ABHD12: variants seen among roughly 807,000 people sequenced by gnomAD.
ABHD12 encodes the protein lysophosphatidylserine lipase ABHD12.
ABHD12 carries 43 observed loss-of-function variants against 58.3 expected under a neutral mutation model. The observed-to-expected ratio is 0.74, with a 90% CI of 0.58 to 0.95. The LOEUF is 0.95. Among genes scored for constraint, ABHD12 ranks in the 40% least tolerant of loss-of-function variants. The pLI is 0.00. For missense variants in ABHD12, 539 were observed against 537.2 expected (o/e 1.00, Z -0.03); for synonymous variants, 219 against 211.2 (o/e 1.04, Z -0.32).
At chr20:25,359,401 G>A (rs1600849940) in intron 1 of ABHD12, among the ~76,000 whole-genome samples, 2 of 126,230 alleles carry the variant, frequency 1.6e-5, no homozygotes, top group East Asian at 2.9e-4. Flanking sequence ...TCCCGCCTGG[G>A]CCACAGAGCG....
chr20:25,323,179 T>C (rs902083780), intron 3 of ABHD12, 146 bp downstream of exon 3: 8 of 704,798 alleles, frequency 1.1e-5, no homozygotes, highest in Non-Finnish European at 2.1e-5. Flanking sequence ...ATGGATCAAA[T>C]GTACTGAGAT....
At chr20:25,307,143 G>C (rs1412402724) in intron 9 of ABHD12, among the ~76,000 whole-genome samples, 1 of 152,198 alleles carries the variant, frequency 6.6e-6, no homozygotes, top group Non-Finnish European at 1.5e-5. Context: ...TCACCCGCCA[G>C]GCCCCACAGA....
chr20:25,298,553 C>T, downstream of ABHD12, among the ~76,000 whole-genome samples: 1 of 152,160 alleles, frequency 6.6e-6, no homozygotes, highest in South Asian at 2.1e-4. Flanking sequence ...CTGTTCCTGG[C>T]CAAGCTAGCT....
intron 2 of ABHD12, among the ~76,000 whole-genome samples, chr20:25,324,362 G>A (rs932886089): frequency 6.6e-6 from 1 of 152,198 alleles, no homozygotes; most frequent in African/African-American, 2.4e-5. Flanking sequence ...GAGAATGGGG[G>A]CAATTTTTTC....
chr20:25,307,845 G>A (rs2088773228), intron 9 of ABHD12, 121 bp downstream of exon 9: 5 of 426,532 alleles, frequency 1.2e-5, no homozygotes, highest in South Asian at 3.7e-5. Context: ...AATGAAATCT[G>A]TATTCATTAG....
At chr20:25,359,654 C>G (rs2089718552) in intron 1 of ABHD12, among the ~76,000 whole-genome samples, 1 of 151,934 alleles carries the variant, frequency 6.6e-6, no homozygotes, top group Admixed American at 6.6e-5. Flanking sequence ...ACTGCAACCT[C>G]CATCTCCCAG....
At chr20:25,379,801 TCA>T (rs1419525898) in intron 1 of ABHD12, among the ~76,000 whole-genome samples, 2 of 152,094 alleles carry the variant, frequency 1.3e-5, no homozygotes, top group Admixed American at 6.6e-5. Flanking sequence ...TGATCATGGC[TCA>T]CACAGTCTTG....
downstream of ABHD12, chr20:25,300,163 G>A: frequency 1.0e-6 from 1 of 986,488 alleles, no homozygotes; most frequent in Non-Finnish European, 1.2e-6. Flanking sequence ...GGCGGCTCTG[G>A]GGCATGGAGG....
chr20:25,322,381 A>ATATATATAT lies in ABHD12; in HGVS notation c.422+943_422+944insATATATATA. Among the ~76,000 whole-genome samples, 59 of 59,272 alleles carry ATATATATAT rather than the reference A, an allele frequency of 1.0e-3. 2 individuals carry two copies. Among genetic ancestry groups the ATATATATAT allele is most frequent in the African/African-American group, 4.7e-3 (57 of 12,100 alleles). The allele number at this position is 59,272 out of a possible 152,430, so 38.9% of individuals were successfully genotyped here. On this transcript the variant is annotated intron_variant, in intron 3 of 12. Transcript: ENST00000339157. ...GGAAAAGATATATATATATATATAT[A>ATATATATAT]TTTTTTTTTTTTTTTGAGACAAGAG...
At chr20:25,295,488 G>T, downstream of ABHD12, 1 of 1,237,980 alleles carries the variant, frequency 8.1e-7, no homozygotes, top group Non-Finnish European at 1.2e-6. Flanking sequence ...GGGCCCCTTC[G>T]CTCCAGACAG....
intron 1 of ABHD12, among the ~76,000 whole-genome samples, chr20:25,366,507 C>G (rs992798291): frequency 1.3e-5 from 2 of 152,134 alleles, no homozygotes; most frequent in African/African-American, 4.8e-5. Context: ...CTCAGTTGAT[C>G]CGCCTGCCTC....
At chr20:25,319,460 T>G (rs1280252793) in intron 4 of ABHD12, among the ~76,000 whole-genome samples, 4 of 152,174 alleles carry the variant, frequency 2.6e-5, no homozygotes, top group African/African-American at 7.2e-5. Context: ...CCCCAGCACC[T>G]GGTGCTTTCA....
intron 1 of ABHD12, chr20:25,368,238 T>G: frequency 1.4e-6 from 2 of 1,445,794 alleles, no homozygotes; most frequent in Non-Finnish European, 1.9e-6. Context: ...ACAGAAGGAA[T>G]GGTCTGGTGG....
intron 1 of ABHD12, among the ~76,000 whole-genome samples, chr20:25,375,544 T>A (rs556258072): frequency 6.6e-6 from 1 of 152,240 alleles, no homozygotes; most frequent in Non-Finnish European, 1.5e-5. Context: ...CACATTGGTC[T>A]CTCCAGATTC....
chr20:25,309,680 G>T, intron 6 of ABHD12, 105 bp from the exon 7 acceptor site: 1 of 1,525,772 alleles, frequency 6.6e-7, no homozygotes, highest in Non-Finnish European at 8.9e-7. Flanking sequence ...ACAGGGAGGG[G>T]CCCGCTTGGC....
At chr20:25,313,820 T>A (rs1349718309) in intron 6 of ABHD12, among the ~76,000 whole-genome samples, 1 of 148,886 alleles carries the variant, frequency 6.7e-6, no homozygotes, top group Non-Finnish European at 1.5e-5. Context: ...AACCAGTCGC[T>A]CATTGTTAAC....
chr20:25,332,256 C>T (rs2089289864), intron 2 of ABHD12, among the ~76,000 whole-genome samples: 1 of 151,362 alleles, frequency 6.6e-6, no homozygotes, highest in Non-Finnish European at 1.5e-5. Flanking sequence ...GAAGAGCTAA[C>T]TATCCTAAAT....
downstream of ABHD12, among the ~76,000 whole-genome samples, chr20:25,298,430 T>C (rs921055961): frequency 6.6e-6 from 1 of 152,046 alleles, no homozygotes; most frequent in Non-Finnish European, 1.5e-5. Flanking sequence ...CACACCCGGC[T>C]AATTTGTGTA....
At chr20:25,383,538 G>C (rs2090046978) in intron 1 of ABHD12, among the ~76,000 whole-genome samples, 1 of 152,180 alleles carries the variant, frequency 6.6e-6, no homozygotes, top group Admixed American at 6.5e-5. Flanking sequence ...TCCCTCATTT[G>C]GGCTGGGCGC....
Sources: allele counts gnomAD v4.1 joint callset (sites outside exome capture counted in the v4.1 genomes callset), GRCh38; gene constraint gnomAD v4.1.1; transcripts MANE v1.5; gene names NCBI Gene and HGNC (gene_info 2026-07-23, HGNC 2026-07-21).